CSMD3: variants seen among roughly 807,000 people sequenced by gnomAD.
CSMD3 encodes the protein CUB and Sushi multiple domains 3.
CSMD3 carries 177 observed loss-of-function variants against 435.2 expected under a neutral mutation model. That is an observed-to-expected ratio of 0.41 (90% CI 0.36 to 0.46). The LOEUF (loss-of-function observed/expected upper bound fraction) is 0.46. Ranked by LOEUF, CSMD3 falls within the 20% of genes least tolerant of loss-of-function variation. CSMD3 has a pLI of 0.34. For synonymous variants in CSMD3, 1,656 were observed against 1,520.5 expected (o/e 1.09, Z -2.07); for missense variants, 4,265 against 4,504.6 (o/e 0.95, Z 1.52).
intron 5 of CSMD3, among the ~76,000 whole-genome samples, chr8:113,081,710 G>A (rs1385917531): frequency 1.3e-5 from 2 of 151,982 alleles, no homozygotes; most frequent in African/African-American, 4.8e-5. Context: ...AAAATCCCTG[G>A]GACTCTGCAG....
At chr8:113,120,250 A>G (rs1442249418) in intron 4 of CSMD3, among the ~76,000 whole-genome samples, 1 of 152,144 alleles carries the variant, frequency 6.6e-6, no homozygotes, top group African/African-American at 2.4e-5. Context: ...TTATGATTGT[A>G]CTATAGTTGA....
intron 63 of CSMD3, among the ~76,000 whole-genome samples, chr8:112,250,106 T>C (rs1228424813): frequency 6.6e-6 from 1 of 152,060 alleles, no homozygotes; most frequent in African/African-American, 2.4e-5. Context: ...TAAGGTTAGA[T>C]CATTCTGTTT....
intron 28 of CSMD3, among the ~76,000 whole-genome samples, chr8:112,515,383 TAGAATA>T (rs1823564751): frequency 6.6e-6 from 1 of 152,146 alleles, no homozygotes; most frequent in African/African-American, 2.4e-5. Flanking sequence ...TCCAATTAAT[TAGAATA>T]AGAAGTTTTA....
chr8:112,914,996 A>G (rs1193193631), intron 10 of CSMD3, among the ~76,000 whole-genome samples: 2 of 151,970 alleles, frequency 1.3e-5, no homozygotes, highest in South Asian at 2.1e-4. Context: ...CAGATCTTCA[A>G]GATGCTTTTT....
Position 112,800,197 on chromosome 8 carries a change from C to T in CSMD3, c.1937G>A (p.Ser646Asn). 2 of 1,612,754 alleles carry T rather than the reference C, an allele frequency of 1.2e-6. No homozygotes were observed. The highest frequency in any genetic ancestry group is 1.7e-6 in the Non-Finnish European group (2 of 1,178,972). ...AACCTTGAAACCAACAGATCCAACA[C>T]TTTCGTCCGTTTGAAGGTGCAGCCA... Reference protein sequence around the residue: ...QMWLHLQTDESVGSVGFKVNY... With the variant: ...QMWLHLQTDENVGSVGFKVNY... The change falls in exon 13 of 71, where the codon AGT becomes AAT. Residue 646 changes from serine (S) to asparagine (N), a missense_variant. By Grantham distance (46) the Ser-to-Asn change is conservative. This residue lies in a region of CSMD3 where 279 missense variants were observed against 369.0 expected (regional missense o/e 0.76). Transcript: ENST00000297405.
chr8:113,308,558 G>A (rs1279423701), intron 2 of CSMD3, among the ~76,000 whole-genome samples: 2 of 151,992 alleles, frequency 1.3e-5, no homozygotes, highest in African/African-American at 4.8e-5. Flanking sequence ...GTGAGCCACC[G>A]CGCCCTGCCC....
At chr8:112,929,579 T>G (rs2130697061) in intron 9 of CSMD3, among the ~76,000 whole-genome samples, 1 of 152,214 alleles carries the variant, frequency 6.6e-6, no homozygotes, top group East Asian at 1.9e-4. Flanking sequence ...TTTTGTGTCT[T>G]AATTAAACAA....
chr8:113,041,497 T>C (rs2087614723), intron 5 of CSMD3, among the ~76,000 whole-genome samples: 1 of 152,082 alleles, frequency 6.6e-6, no homozygotes, highest in Admixed American at 6.6e-5. Flanking sequence ...ATCTGAAACT[T>C]TTAGAAAATC....
chr8:112,454,294 A>G (rs1816596153), intron 32 of CSMD3, among the ~76,000 whole-genome samples: 1 of 152,096 alleles, frequency 6.6e-6, no homozygotes, highest in Admixed American at 6.6e-5. Flanking sequence ...AACAGACAAT[A>G]AACAAACAAA....
intron 32 of CSMD3, among the ~76,000 whole-genome samples, chr8:112,410,756 A>T (rs921934740): frequency 2.1e-5 from 3 of 145,648 alleles, no homozygotes; most frequent in African/African-American, 7.5e-5. Flanking sequence ...TTTTTGCATT[A>T]GATTAGTGTT....
intron 27 of CSMD3, among the ~76,000 whole-genome samples, chr8:112,518,629 T>TGAGAGAGA (rs3080191): frequency 8.1e-6 from 1 of 124,116 alleles, no homozygotes; most frequent in African/African-American, 2.9e-5. Context: ...TGTGTGTGTG[T>TGAGAGAGA]GAGAGAGAGA....
At chr8:113,430,529 G>A (rs1013648097) in intron 1 of CSMD3, among the ~76,000 whole-genome samples, 2 of 152,118 alleles carry the variant, frequency 1.3e-5, no homozygotes, top group African/African-American at 2.4e-5. Flanking sequence ...AGTGCAATCT[G>A]GACTTACCTG....
At chr8:113,090,055 G>A (rs1385422380) in intron 5 of CSMD3, among the ~76,000 whole-genome samples, 1 of 152,050 alleles carries the variant, frequency 6.6e-6, no homozygotes, top group African/African-American at 2.4e-5. Flanking sequence ...AGGGACCAGT[G>A]AGTTTAAAAG....
At chr8:112,448,058 T>C (rs1815819453) in intron 32 of CSMD3, among the ~76,000 whole-genome samples, 1 of 152,098 alleles carries the variant, frequency 6.6e-6, no homozygotes, top group African/African-American at 2.4e-5. Flanking sequence ...CAAAATGCCA[T>C]AGACTGGGTT....
chr8:112,282,209 T>G (rs1818720492), intron 58 of CSMD3, among the ~76,000 whole-genome samples: 1 of 151,932 alleles, frequency 6.6e-6, no homozygotes, highest in African/African-American at 2.4e-5. Flanking sequence ...TATTTCTTTT[T>G]GCCTATCATT....
At chr8:112,861,028 C>T (rs1477824035) in intron 10 of CSMD3, among the ~76,000 whole-genome samples, 1 of 151,874 alleles carries the variant, frequency 6.6e-6, no homozygotes, top group Non-Finnish European at 1.5e-5. Flanking sequence ...TTTGAGGAAG[C>T]ACTTTCAATT....
intron 5 of CSMD3, among the ~76,000 whole-genome samples, chr8:113,049,426 G>A (rs1482803602): frequency 8.6e-5 from 13 of 151,682 alleles, no homozygotes; most frequent in East Asian, 1.9e-4. Context: ...AGTGCTCAGG[G>A]CTTCTAAAAT....
intron 30 of CSMD3, among the ~76,000 whole-genome samples, chr8:112,498,092 T>A (rs2130886650): frequency 1.3e-5 from 2 of 152,256 alleles, no homozygotes; most frequent in South Asian, 4.1e-4. Flanking sequence ...ATATTTTTCT[T>A]TGCCTTTATT....
At chr8:112,785,071 A>C (rs1587286641) in intron 13 of CSMD3, among the ~76,000 whole-genome samples, 1 of 152,192 alleles carries the variant, frequency 6.6e-6, no homozygotes, top group East Asian at 1.9e-4. Context: ...ATTATGACCA[A>C]GTGGCATTCA....
Sources: gnomAD v4.1 joint callset for allele counts (sites outside exome capture counted in the v4.1 genomes callset) on GRCh38, gnomAD v4.1.1 for gene constraint, gnomAD v4.1.1 regional missense constraint, MANE v1.5 for transcripts, NCBI Gene and HGNC (gene_info 2026-07-23, HGNC 2026-07-21) for gene names.